Variants in DONSON observed in about 807,000 individuals in gnomAD.
DONSON encodes the protein DNA replication fork stabilization factor DONSON, also known as protein downstream neighbor of Son.
DONSON carries 43 observed loss-of-function variants against 62.1 expected under a neutral mutation model. The ratio of observed to expected loss-of-function variants is 0.69; its 90% CI spans 0.54 to 0.89. The LOEUF is 0.89. Among genes scored for constraint, DONSON ranks in the 40% least tolerant of loss-of-function variants. The pLI, the probability that DONSON is intolerant of heterozygous loss-of-function variation, is 0.00. For synonymous variants in DONSON, 266 were observed against 264.6 expected (o/e 1.01, Z -0.05); for missense variants, 696 against 697.5 (o/e 1.00, Z 0.03).
chr21:33,586,729 G>A (rs1329767001), intron 2 of DONSON, among the ~76,000 whole-genome samples: 1 of 152,008 alleles, frequency 6.6e-6, no homozygotes, highest in Non-Finnish European at 1.5e-5. Context: ...CTGCCGCCTA[G>A]GATCAAGCGA....
chr21:33,586,589 C>T (rs1219295251), intron 2 of DONSON, among the ~76,000 whole-genome samples: 1 of 152,136 alleles, frequency 6.6e-6, no homozygotes, highest in East Asian at 1.9e-4. Flanking sequence ...CAAATATTTC[C>T]CCTCAACCTG....
At position 33,581,503 on chromosome 21, in the gene DONSON, G is replaced by A. The variant is rs200923236; in HGVS notation, c.1152-3C>T. 97 of 1,609,578 alleles carry A rather than the reference G, an allele frequency of 6.0e-5. No homozygotes were observed. The African/African-American group carries it at 1.0e-3, about 17-fold the overall frequency. On this transcript the variant is annotated splice_region_variant and splice_polypyrimidine_tract_variant and intron_variant, in intron 7 of 9. Transcript: ENST00000303071. ...GTACTTCATGTTTCTCTTTACGCCT[G>A]AAGATGACAATCAAGGAAATTGCAA...
chr21:33,587,719 A>T, intron 1 of DONSON, 117 bp from the exon 2 acceptor site: 1 of 625,172 alleles, frequency 1.6e-6, no homozygotes, highest in South Asian at 2.3e-5. Flanking sequence ...ACCTAAATTC[A>T]GAGGCACCCC....
In DONSON at chr21:33,577,662, C is replaced by CCCCTATAA. The variant is rs1569073017; in HGVS notation, c.*644_*645insTTATAGGG. 1.9e-5 allele frequency: 2 copies of CCCCTATAA among 107,236 alleles called. No homozygotes were observed. Among genetic ancestry groups the CCCCTATAA allele is most frequent in the African/African-American group, 4.1e-5 (1 of 24,648 alleles). The allele number at this position is 107,236 out of a possible 1,614,324, so 6.6% of individuals were successfully genotyped here. ...ACACACACACACACACACACACACA[C>CCCCTATAA]ACACACACACACACACACACACACA... On this transcript the variant is annotated 3_prime_UTR_variant, in exon 10 of 10. Transcript: ENST00000303071.
intron 5 of DONSON, among the ~76,000 whole-genome samples, chr21:33,583,220 A>AAAAAAAAAAAAAAAAAAAAC (rs2086536425): frequency 7.2e-6 from 1 of 138,558 alleles, no homozygotes; most frequent in African/African-American, 2.8e-5. Context: ...AAAAAAAAAA[A>AAAAAAAAAAAAAAAAAAAAC]AAAAAGAATG....
intron 5 of DONSON, among the ~76,000 whole-genome samples, chr21:33,582,866 A>G (rs2086529072): frequency 6.6e-6 from 1 of 152,078 alleles, no homozygotes; most frequent in South Asian, 2.1e-4. Context: ...TCCTACTGTG[A>G]ACTGTGCATG....
At chr21:33,586,306 G>A in intron 2 of DONSON, 125 bp from the exon 3 acceptor site, 9 of 792,726 alleles carry the variant, frequency 1.1e-5, no homozygotes, top group African/African-American at 1.7e-5. Flanking sequence ...TAAATAACAT[G>A]AAAAATACAT....
chr21:33,579,116 G>A (rs2086473738), intron 9 of DONSON, among the ~76,000 whole-genome samples: 1 of 150,588 alleles, frequency 6.6e-6, no homozygotes, highest in Non-Finnish European at 1.5e-5. Context: ...TCCAGCCCGG[G>A]CAACAGCAAG....
chr21:33,579,958 G>T (rs2086486534), intron 8 of DONSON, among the ~76,000 whole-genome samples: 1 of 152,076 alleles, frequency 6.6e-6, no homozygotes, highest in Non-Finnish European at 1.5e-5. Context: ...ACTTTGGGAG[G>T]CCAAGGTGGG....
In DONSON at chr21:33,579,524, T is replaced by C; in HGVS notation, c.1389A>G (p.Gly463=). Reference sequence around the variant, plus strand: ...TCTCCAAACTAAATTGGTCTCTGTATCCAGAAAGAGCTTGTGTCTTCACAT... The same window carrying C: ...TCTCCAAACTAAATTGGTCTCTGTACCCAGAAAGAGCTTGTGTCTTCACAT... ...SVNVKTQALS[G]YRDQFSLEIT... is the part of the protein sequence containing the mutation. Residue 463 remains glycine (G), a synonymous_variant, in exon 9 of 10, where the codon GGA becomes GGG. Coordinates refer to ENST00000303071, the MANE Select transcript of DONSON (RefSeq NM_017613.4). 5.6e-6 allele frequency: 9 copies of C among 1,614,192 alleles called. No individual in the cohort carries two copies. Among genetic ancestry groups the C allele is most frequent in the Non-Finnish European group, 6.8e-6 (8 of 1,180,010 alleles).
chr21:33,585,837 G>A (rs1038657936), intron 3 of DONSON, 141 bp downstream of exon 3: 1 of 789,044 alleles, frequency 1.3e-6, no homozygotes, highest in Non-Finnish European at 2.0e-6. Context: ...CACCATCTGG[G>A]AAAGACAAAA....
At chr21:33,587,258 G>C (rs1371358863) in intron 2 of DONSON, 2 of 648,340 alleles carry the variant, frequency 3.1e-6, no homozygotes, top group Non-Finnish European at 3.8e-6. Context: ...AACTGTTAGA[G>C]AGTAAAAGAA....
chr21:33,582,475 T>A (rs886392544), intron 5 of DONSON, among the ~76,000 whole-genome samples: 1 of 152,208 alleles, frequency 6.6e-6, no homozygotes, highest in South Asian at 2.1e-4. Flanking sequence ...TAAATCATAT[T>A]GTATTCCAGT....
chr21:33,580,833 G>A (rs1433358238), intron 8 of DONSON, among the ~76,000 whole-genome samples: 8 of 151,850 alleles, frequency 5.3e-5, no homozygotes, highest in Non-Finnish European at 1.0e-4. Context: ...AGTGAGCCGA[G>A]ATCGCACCAC....
rs534299298 is a variant in DONSON, at chr21:33,579,349, C to A, written c.1563+1G>T. ...CAGTCTGCTCATAGGTGTCTACTTA[C>A]CATATCAAGTACTTTGTCCATTTGC... On this transcript the variant is annotated splice_donor_variant, in intron 9 of 9. Coordinates refer to ENST00000303071, the MANE Select transcript of DONSON (RefSeq NM_017613.4). LOFTEE classifies it high-confidence loss of function. 2.5e-6 allele frequency: 4 copies of A among 1,591,350 alleles called. No individual in the cohort carries two copies. Among genetic ancestry groups the A allele is most frequent in the South Asian group, 2.3e-5 (2 of 88,394 alleles).
At chr21:33,579,709 G>A (rs1464283564) in intron 8 of DONSON, 147 bp from the exon 9 acceptor site, 3 of 618,360 alleles carry the variant, frequency 4.9e-6, no homozygotes, top group Admixed American at 3.0e-5. Context: ...TCTAAACAAT[G>A]TTATGTGAGT....
chr21:33,581,641 A>G (rs2145902001), intron 7 of DONSON, 141 bp from the exon 8 acceptor site: 1 of 747,502 alleles, frequency 1.3e-6, no homozygotes, highest in Admixed American at 2.9e-5. Context: ...ACCGAATCAT[A>G]AGGCATATGT....
rs1289592354 is a variant in DONSON at position 33,586,031 on chromosome 21, C to A, written c.553G>T (p.Gly185Cys). 5.6e-6 allele frequency: 9 copies of A among 1,614,020 alleles called. No individual in the cohort carries two copies. Among genetic ancestry groups the A allele is most frequent in the African/African-American group, 1.3e-5 (1 of 74,910 alleles). ...DHLKAQEEAQ[G>C]LVQHCRATEV... ...GTTGCCCTACAATGCTGGACAAGAC[C>A]TTGAGCTTCTTCCTGTGCTTTCAAA... is the stretch of plus-strand genomic sequence containing the variant. The change falls in exon 3 of 10, where the codon GGT (glycine) becomes TGT (cysteine). Residue 185 changes from glycine to cysteine, a missense_variant. Physicochemically the swap from Gly to Cys is radical, Grantham distance 159. Coordinates refer to ENST00000303071, the MANE Select transcript of DONSON (RefSeq NM_017613.4).
Position 33,585,997 on chromosome 21 carries a change from G to C in DONSON, c.587C>G (p.Thr196Ser), listed in dbSNP as rs1335974496. The C allele has an allele frequency of 6.2e-7, 1 of 1,614,052 alleles. No homozygotes were observed. The highest frequency in any genetic ancestry group is 1.7e-5 in the Admixed American group (1 of 60,008). ...LVQHCRATEV[T>S]LPKSIQDPKL... is the part of the protein sequence containing the mutation. ...AGTTACCTGTATACTTTTAGGCAAA[G>C]TAACTTCTGTTGCCCTACAATGCTG... Residue 196 changes from threonine (T) to serine (S), a missense_variant, in exon 3 of 10, where the codon ACT becomes AGT. Coordinates refer to ENST00000303071, the MANE Select transcript of DONSON (RefSeq NM_017613.4).
Sources: gnomAD v4.1 joint callset for allele counts (sites outside exome capture counted in the v4.1 genomes callset) on GRCh38, gnomAD v4.1.1 for gene constraint, MANE v1.5 for transcripts, NCBI Gene and HGNC (gene_info 2026-07-23, HGNC 2026-07-21) for gene names.